KCTD8: variants seen among roughly 807,000 people sequenced by gnomAD.
KCTD8 encodes the protein potassium channel tetramerization domain containing 8, also known as BTB/POZ domain-containing protein KCTD8.
In KCTD8, 27 loss-of-function variants were observed where a neutral mutation model predicts 31.5. That is an observed-to-expected ratio of 0.86 (90% confidence interval 0.63 to 1.18). The LOEUF is 1.18. Among genes scored for constraint, KCTD8 ranks in the 50% most tolerant of loss-of-function variants. The pLI, the probability that KCTD8 is intolerant of heterozygous loss-of-function variation, is 0.00. For synonymous variants in KCTD8, 290 were observed against 280.0 expected (o/e 1.04, Z -0.36); for missense variants, 658 against 647.7 (o/e 1.02, Z -0.17).
chr4:44,299,706 AAC>A (rs1717548257), intron 1 of KCTD8, among the ~76,000 whole-genome samples: 1 of 151,686 alleles, frequency 6.6e-6, no homozygotes, highest in South Asian at 2.1e-4. Flanking sequence ...CCAACCTGGC[AAC>A]AGAGTGAGAC....
At chr4:44,408,190 C>T (rs1720850785) in intron 1 of KCTD8, among the ~76,000 whole-genome samples, 1 of 152,124 alleles carries the variant, frequency 6.6e-6, no homozygotes, top group African/African-American at 2.4e-5. Context: ...CTGCCTAATT[C>T]TATACCCAAT....
At chr4:44,433,201 CT>C (rs1326795433) in intron 1 of KCTD8, among the ~76,000 whole-genome samples, 3 of 121,154 alleles carry the variant, frequency 2.5e-5, no homozygotes, top group Non-Finnish European at 4.6e-5. Context: ...TATATCCTCT[CT>C]AAGATAAAGC....
intron 1 of KCTD8, among the ~76,000 whole-genome samples, chr4:44,433,903 T>C (rs1183580167): frequency 6.6e-6 from 1 of 151,856 alleles, no homozygotes; most frequent in Non-Finnish European, 1.5e-5. Flanking sequence ...ATGTTTTCAA[T>C]ACCCACCAAC....
intron 1 of KCTD8, among the ~76,000 whole-genome samples, chr4:44,389,450 G>A (rs921163662): frequency 6.6e-6 from 1 of 151,634 alleles, no homozygotes; most frequent in Non-Finnish European, 1.5e-5. Flanking sequence ...TGACATAGTT[G>A]TAGGACTATG....
At chr4:44,339,013 A>G (rs565606029) in intron 1 of KCTD8, among the ~76,000 whole-genome samples, 2 of 152,304 alleles carry the variant, frequency 1.3e-5, no homozygotes, top group African/African-American at 4.8e-5. Flanking sequence ...TACCTGCCCA[A>G]TATACTCACA....
chr4:44,345,376 C>T (rs1577627608), intron 1 of KCTD8, among the ~76,000 whole-genome samples: 1 of 151,796 alleles, frequency 6.6e-6, no homozygotes, highest in Admixed American at 6.6e-5. Context: ...TAAACTGCCC[C>T]CAAAAATGGT....
intron 1 of KCTD8, among the ~76,000 whole-genome samples, chr4:44,263,975 G>A (rs1716258554): frequency 6.6e-6 from 1 of 152,098 alleles, no homozygotes. Flanking sequence ...AGGGATATGT[G>A]GTCACATTTG....
At chr4:44,196,007 T>A (rs1277403986) in intron 1 of KCTD8, among the ~76,000 whole-genome samples, 3 of 152,202 alleles carry the variant, frequency 2.0e-5, no homozygotes, top group Non-Finnish European at 4.4e-5. Flanking sequence ...TAAAAGTTTA[T>A]ATAAGATAAG....
intron 1 of KCTD8, among the ~76,000 whole-genome samples, chr4:44,409,972 AT>A (rs1720914116): frequency 6.6e-6 from 1 of 152,178 alleles, no homozygotes; most frequent in African/African-American, 2.4e-5. Context: ...ACATATTTCA[AT>A]TGCTTCAGGG....
chr4:44,217,009 C>A (rs943053472), intron 1 of KCTD8, among the ~76,000 whole-genome samples: 5 of 152,032 alleles, frequency 3.3e-5, no homozygotes, highest in African/African-American at 1.2e-4. Context: ...CTTTCTCATA[C>A]CAGGTAGCAA....
chr4:44,401,863 T>A (rs1319583643), intron 1 of KCTD8, among the ~76,000 whole-genome samples: 1 of 152,192 alleles, frequency 6.6e-6, no homozygotes, highest in East Asian at 1.9e-4. Context: ...TACCATATTA[T>A]TATGGCATCA....
chr4:44,358,127 A>G (rs1577634605), intron 1 of KCTD8, among the ~76,000 whole-genome samples: 1 of 150,184 alleles, frequency 6.7e-6, no homozygotes, highest in Non-Finnish European at 1.5e-5. Context: ...ACTCCCACTT[A>G]TGAGTGAGAA....
intron 1 of KCTD8, among the ~76,000 whole-genome samples, chr4:44,269,979 G>A (rs975793970): frequency 9.8e-4 from 149 of 152,182 alleles, no homozygotes; most frequent in Non-Finnish European, 1.2e-3. Flanking sequence ...GGAAGTCAGT[G>A]TGGTGATTCC....
intron 1 of KCTD8, among the ~76,000 whole-genome samples, chr4:44,216,764 G>A (rs1383718509): frequency 6.6e-6 from 1 of 152,182 alleles, no homozygotes; most frequent in African/African-American, 2.4e-5. Flanking sequence ...TTCTATCACA[G>A]TAGCAACTTC....
intron 1 of KCTD8, among the ~76,000 whole-genome samples, chr4:44,270,766 C>A (rs534187038): frequency 6.6e-6 from 1 of 152,108 alleles, no homozygotes; most frequent in South Asian, 2.1e-4. Context: ...TTTAGATATA[C>A]GTTATTGATG....
chr4:44,427,014 T>C (rs1721366133), intron 1 of KCTD8, among the ~76,000 whole-genome samples: 1 of 151,678 alleles, frequency 6.6e-6, no homozygotes, highest in African/African-American at 2.4e-5. Context: ...ATGCACCAAT[T>C]CACTATACTA....
chr4:44,407,455 C>T (rs1360985564), intron 1 of KCTD8, among the ~76,000 whole-genome samples: 14 of 150,248 alleles, frequency 9.3e-5, no homozygotes, highest in Admixed American at 6.0e-4. Flanking sequence ...AGTGCGATCT[C>T]GGCTCACCGC....
At chr4:44,447,477 C>G in intron 1 of KCTD8, 86 bp downstream of exon 1, 3 of 1,433,962 alleles carry the variant, frequency 2.1e-6, no homozygotes, top group Non-Finnish European at 2.7e-6. Context: ...CCCGGACACC[C>G]CCGCGGGGCC....
chr4:44,386,716 C>T lies in KCTD8; in HGVS notation c.961+60847G>A, dbSNP rs572485950. 5.5e-4 allele frequency among the ~76,000 whole-genome samples: 83 copies of T among 151,558 alleles called. No individual in the cohort carries two copies. In the Middle Eastern group the frequency reaches 0.01, roughly 19 times the overall value. Reference sequence around the variant, plus strand: ...TTCCTCAAAAAAACTAAAAATTGAGCTAACAAGTGATCCAGCAATCCCACT... The same window carrying T: ...TTCCTCAAAAAAACTAAAAATTGAGTTAACAAGTGATCCAGCAATCCCACT... On this transcript the variant is annotated intron_variant, in intron 1 of 1. Coordinates refer to ENST00000360029, the MANE Select transcript of KCTD8 (RefSeq NM_198353.3).
Sources: gnomAD v4.1 joint callset for allele counts (sites outside exome capture counted in the v4.1 genomes callset) on GRCh38, gnomAD v4.1.1 for gene constraint, MANE v1.5 for transcripts, NCBI Gene and HGNC (gene_info 2026-07-23, HGNC 2026-07-21) for gene names.